Variants in EEFSEC observed in about 807,000 individuals in gnomAD.
The protein encoded by EEFSEC is eukaryotic elongation factor, selenocysteine-tRNA specific.
In EEFSEC, 43 loss-of-function variants were observed where a neutral mutation model predicts 42.1. The observed-to-expected ratio is 1.02, with a 90% CI of 0.80 to 1.32. The LOEUF (loss-of-function observed/expected upper bound fraction) is 1.32. Among genes scored for constraint, EEFSEC ranks in the 40% most tolerant of loss-of-function variants. The pLI is 0.00. For synonymous variants in EEFSEC, 354 were observed against 339.1 expected (o/e 1.04, Z -0.48); for missense variants, 745 against 803.6 (o/e 0.93, Z 0.88).
chr3:128,223,171 T>C (rs1241863351), intron 1 of EEFSEC, among the ~76,000 whole-genome samples: 2 of 152,140 alleles, frequency 1.3e-5, no homozygotes, highest in Admixed American at 6.5e-5. Context: ...GGTAAACACA[T>C]TGATATGCCC....
At chr3:128,264,480 C>G in intron 3 of EEFSEC, 137 bp from the exon 4 acceptor site, 1 of 962,688 alleles carries the variant, frequency 1.0e-6, no homozygotes, top group Non-Finnish European at 1.5e-6. Context: ...TCCACCTTGC[C>G]AGGGCATGGA....
chr3:128,294,885 C>T (rs1171041246), intron 4 of EEFSEC, among the ~76,000 whole-genome samples: 4 of 152,142 alleles, frequency 2.6e-5, no homozygotes, highest in African/African-American at 9.7e-5. Context: ...CACATCATAC[C>T]TCCAATGTGT....
At chr3:128,351,195 C>T (rs2067381014) in intron 5 of EEFSEC, among the ~76,000 whole-genome samples, 1 of 152,126 alleles carries the variant, frequency 6.6e-6, no homozygotes, top group African/African-American at 2.4e-5. Flanking sequence ...GTTCTTCTGG[C>T]TTCTCTTGGG....
At chr3:128,269,227 C>T (rs77597507) in intron 4 of EEFSEC, among the ~76,000 whole-genome samples, 4,166 of 152,362 alleles carry the variant, frequency 0.027, 211 homozygotes, top group African/African-American at 0.094. Flanking sequence ...CCAGCCCTGG[C>T]CATGTGCCCT....
intron 1 of EEFSEC, among the ~76,000 whole-genome samples, chr3:128,238,908 G>A (rs569966517): frequency 2.6e-5 from 4 of 152,292 alleles, no homozygotes; most frequent in Admixed American, 6.5e-5. Flanking sequence ...TGGTCCACGT[G>A]GTATGGCATA....
intron 5 of EEFSEC, among the ~76,000 whole-genome samples, chr3:128,355,942 G>T (rs577428238): frequency 1.3e-5 from 2 of 152,342 alleles, no homozygotes; most frequent in South Asian, 4.1e-4. Flanking sequence ...CACAGGGAAC[G>T]CTGTAGGCAC....
At chr3:128,361,776 A>T (rs2067528559) in intron 6 of EEFSEC, among the ~76,000 whole-genome samples, 1 of 152,180 alleles carries the variant, frequency 6.6e-6, no homozygotes, top group Admixed American at 6.5e-5. Context: ...CATTTGCAGA[A>T]TTGTACTTCA....
In EEFSEC at chr3:128,171,910, A is replaced by G. The variant is rs546369790; in HGVS notation, c.316+18087A>G. Among the ~76,000 whole-genome samples, 28 of 152,330 alleles carry G rather than the reference A, an allele frequency of 1.8e-4. 1 individual carries two copies. The South Asian group carries it at 5.2e-3, about 28-fold the overall frequency. ...GATATGTTTAAAAACACAATAAAGT[A>G]TAGCAACTATTTACATAGCATTTTT... is the stretch of plus-strand genomic sequence containing the variant. On this transcript the variant is annotated intron_variant, in intron 1 of 6. Coordinates refer to ENST00000254730, the MANE Select transcript of EEFSEC (RefSeq NM_021937.5).
chr3:128,379,439 A>G (rs1374429193), intron 6 of EEFSEC, among the ~76,000 whole-genome samples: 1 of 152,270 alleles, frequency 6.6e-6, no homozygotes, highest in Non-Finnish European at 1.5e-5. Context: ...GATAGGCAAG[A>G]AAAAATAACA....
intron 1 of EEFSEC, among the ~76,000 whole-genome samples, chr3:128,214,893 C>A (rs1246195756): frequency 2.6e-5 from 4 of 152,132 alleles, no homozygotes; most frequent in Non-Finnish European, 5.9e-5. Context: ...TGCACTGATA[C>A]CAGTGAATGA....
At chr3:128,391,069 C>G (rs1157360048) in intron 6 of EEFSEC, among the ~76,000 whole-genome samples, 3 of 152,252 alleles carry the variant, frequency 2.0e-5, no homozygotes, top group African/African-American at 7.2e-5. Flanking sequence ...TCGCCTGTCT[C>G]CCACCAGAAC....
intron 3 of EEFSEC, among the ~76,000 whole-genome samples, chr3:128,262,899 G>C (rs1394619835): frequency 6.6e-6 from 1 of 152,192 alleles, no homozygotes; most frequent in African/African-American, 2.4e-5. Flanking sequence ...GGACAGTTCA[G>C]CCGGGTGGAG....
At chr3:128,418,763 A>C in the EEFSEC span, among the ~76,000 whole-genome samples, 119 of 152,232 alleles carry the variant, frequency 7.8e-4, no homozygotes, top group African/African-American at 2.8e-3. Context: ...GACTATGCCT[A>C]GCACCTCTGA....
chr3:128,396,909 T>G (rs2067987605), intron 6 of EEFSEC, among the ~76,000 whole-genome samples: 1 of 152,190 alleles, frequency 6.6e-6, no homozygotes, highest in Non-Finnish European at 1.5e-5. Context: ...CACAAGATGG[T>G]CTTTTCTGTG....
intron 1 of EEFSEC, among the ~76,000 whole-genome samples, chr3:128,218,562 C>T (rs1169289120): frequency 1.3e-5 from 2 of 152,214 alleles, no homozygotes; most frequent in African/African-American, 4.8e-5. Context: ...TCCATTCAGA[C>T]ATTCCTTTGG....
At chr3:128,306,517 AATCT>A (rs1403651950) in intron 4 of EEFSEC, among the ~76,000 whole-genome samples, 3 of 152,254 alleles carry the variant, frequency 2.0e-5, no homozygotes. Flanking sequence ...TTGTTAACGT[AATCT>A]ATCTTTTTTT....
At chr3:128,239,091 A>T (rs536603868) in intron 1 of EEFSEC, among the ~76,000 whole-genome samples, 1 of 152,182 alleles carries the variant, frequency 6.6e-6, no homozygotes, top group African/African-American at 2.4e-5. Flanking sequence ...GGGCAGTTCA[A>T]ACAAAAAGGA....
chr3:128,239,709 G>A (rs1205506315), intron 1 of EEFSEC, among the ~76,000 whole-genome samples: 1 of 152,230 alleles, frequency 6.6e-6, no homozygotes, highest in Non-Finnish European at 1.5e-5. Flanking sequence ...AGACACCACT[G>A]TCAGTAGAAA....
intron 4 of EEFSEC, among the ~76,000 whole-genome samples, chr3:128,295,627 G>A (rs566119605): frequency 8.4e-4 from 124 of 147,756 alleles, no homozygotes; most frequent in African/African-American, 2.8e-3. Flanking sequence ...CTTCCTTGGG[G>A]CTGGAACTGT....
Sources: allele counts gnomAD v4.1 joint callset (sites outside exome capture counted in the v4.1 genomes callset), GRCh38; gene constraint gnomAD v4.1.1; transcripts MANE v1.5; gene names NCBI Gene and HGNC (gene_info 2026-07-23, HGNC 2026-07-21).